Variants in SPINK8 observed in about 807,000 individuals in gnomAD.
SPINK8 encodes serine protease inhibitor Kazal-type 8.
In SPINK8, 12 loss-of-function variants were observed where a neutral mutation model predicts 14.4. The ratio of observed to expected loss-of-function variants is 0.83; its 90% confidence interval spans 0.53 to 1.35. The LOEUF (loss-of-function observed/expected upper bound fraction) is 1.35, where lower values mean the gene tolerates loss of function less well. SPINK8 is among the 40% of genes most tolerant of loss of function. SPINK8 has a pLI of 0.00. For synonymous variants in SPINK8, 32 were observed against 37.6 expected (o/e 0.85, Z 0.55); for missense variants, 103 against 117.0 (o/e 0.88, Z 0.55).
At chr3:48,318,970 G>T (rs1260289584) in intron 6 of SPINK8, among the ~76,000 whole-genome samples, 2 of 152,218 alleles carry the variant, frequency 1.3e-5, no homozygotes, top group Non-Finnish European at 2.9e-5. Context: ...AAACAATTGG[G>T]CGTTTCACTT....
At chr3:48,312,943 A>G (rs2035941754) in intron 6 of SPINK8, among the ~76,000 whole-genome samples, 1 of 151,688 alleles carries the variant, frequency 6.6e-6, no homozygotes, top group Non-Finnish European at 1.5e-5. Flanking sequence ...GGTTGCAGTG[A>G]GCTGAAATCA....
intron 1 of SPINK8, among the ~76,000 whole-genome samples, chr3:48,332,791 G>A (rs1258705760): frequency 6.6e-6 from 1 of 152,170 alleles, no homozygotes; most frequent in East Asian, 1.9e-4. Flanking sequence ...CAGATCAAAG[G>A]ATTGTCCTAA....
chr3:48,314,706 T>C (rs2035963626), intron 6 of SPINK8, among the ~76,000 whole-genome samples: 1 of 152,170 alleles, frequency 6.6e-6, no homozygotes, highest in Admixed American at 6.6e-5. Context: ...TTGAAAACAA[T>C]CAGAGGCAAC....
Position 48,320,950 on chromosome 3 carries a change from G to T in SPINK8, c.117+75C>A, listed in dbSNP as rs1041808954. 1.3e-5 allele frequency: 19 copies of T among 1,470,164 alleles called. No homozygotes were observed. In the Admixed American group the frequency reaches 1.9e-4, roughly 15 times the overall value. 91.1% of individuals were successfully genotyped at this position (1,470,164 alleles called of 1,614,324 possible). On this transcript the variant is annotated intron_variant, in intron 5 of 7. Transcript: ENST00000434006. ...CCCCTCCACTGCCCACCTCCCAGAA[G>T]AAAGAGCTGGGGCTTTTGGGCAAAC...
At chr3:48,311,712 A>T (rs1187335768) in intron 6 of SPINK8, among the ~76,000 whole-genome samples, 1 of 152,192 alleles carries the variant, frequency 6.6e-6, no homozygotes, top group Non-Finnish European at 1.5e-5. Context: ...AAAACTACAA[A>T]ATTGAAACTG....
intron 7 of SPINK8, among the ~76,000 whole-genome samples, 177 bp from the exon 8 acceptor site, chr3:48,307,180 C>T (rs377083665): frequency 6.6e-6 from 1 of 152,044 alleles, no homozygotes; most frequent in African/African-American, 2.4e-5. Flanking sequence ...GAGTGAAAGT[C>T]GGTGGAAAAG....
intron 6 of SPINK8, among the ~76,000 whole-genome samples, chr3:48,315,004 T>C (rs1243811734): frequency 1.3e-5 from 2 of 152,224 alleles, no homozygotes; most frequent in Non-Finnish European, 2.9e-5. Flanking sequence ...AGTAGAGACA[T>C]GCCTCAGTGC....
intron 4 of SPINK8, among the ~76,000 whole-genome samples, chr3:48,324,647 A>G (rs1183938989): frequency 6.6e-6 from 1 of 152,234 alleles, no homozygotes; most frequent in Non-Finnish European, 1.5e-5. Flanking sequence ...TCTATATAGT[A>G]GAAAAATTAC....
At chr3:48,313,643 C>T (rs1409984625) in intron 6 of SPINK8, among the ~76,000 whole-genome samples, 1 of 152,140 alleles carries the variant, frequency 6.6e-6, no homozygotes, top group Non-Finnish European at 1.5e-5. Context: ...AAAACAGGTA[C>T]TCAAATAAAT....
chr3:48,307,783 C>T (rs1169407388), intron 7 of SPINK8, among the ~76,000 whole-genome samples: 1 of 151,816 alleles, frequency 6.6e-6, no homozygotes, highest in African/African-American at 2.4e-5. Context: ...CTAGCTGAGT[C>T]ACAGAGGTAT....
At chr3:48,310,237 C>T (rs928468683) in intron 6 of SPINK8, among the ~76,000 whole-genome samples, 19 of 152,184 alleles carry the variant, frequency 1.2e-4, no homozygotes, top group African/African-American at 4.3e-4. Context: ...TTAAAATATG[C>T]ATTTAATGAA....
intron 6 of SPINK8, 83 bp from the exon 7 acceptor site, chr3:48,310,029 C>A: frequency 7.9e-7 from 1 of 1,263,910 alleles, no homozygotes; most frequent in Non-Finnish European, 1.0e-6. Context: ...TAATCTTTGG[C>A]TAAGTTTGGG....
At chr3:48,325,520 G>A (rs1261131709) in intron 4 of SPINK8, among the ~76,000 whole-genome samples, 8 of 150,328 alleles carry the variant, frequency 5.3e-5, no homozygotes, top group African/African-American at 2.0e-4. Flanking sequence ...CACCTCCCTA[G>A]TTCAAGTGCT....
rs745387152 is a variant in SPINK8 at position 48,328,267 on chromosome 3, T to A, written c.67+8A>T. The A allele has an allele frequency of 2.2e-5, 36 of 1,607,950 alleles. No individual in the cohort carries two copies. The highest frequency in any genetic ancestry group is 2.9e-5 in the Non-Finnish European group (34 of 1,176,962). The stretch of plus-strand genomic sequence containing the variant: ...AAAATGTGGGCAGAGCAAGGACACA[T>A]AACTCACCAATTGCAAAGGCCATCC... On this transcript the variant is annotated splice_region_variant and intron_variant, in intron 4 of 7. Coordinates refer to ENST00000434006, the MANE Select transcript of SPINK8 (RefSeq NM_001080525.3).
In SPINK8 at chr3:48,312,198, A is replaced by C. The variant is rs2035931702; in HGVS notation, c.240-2252T>G. Among the ~76,000 whole-genome samples, 6 of 152,148 alleles carry C rather than the reference A, an allele frequency of 3.9e-5. No homozygotes were observed. In the South Asian group the frequency reaches 1.2e-3, roughly 32 times the overall value. ...ACTGGTATTAGGATATAAATACAGA[A>C]CAAAAGAAAAGAATCAAGGATCCAA... On this transcript the variant is annotated intron_variant, in intron 6 of 7. Transcript: ENST00000434006.
At position 48,314,475 on chromosome 3, in the gene SPINK8, G is replaced by A. The variant is rs1293957579; in HGVS notation, c.240-4529C>T. On this transcript the variant is annotated intron_variant, in intron 6 of 7. Coordinates refer to ENST00000434006, the MANE Select transcript of SPINK8 (RefSeq NM_001080525.3). ...CTGCAGCATTCCCAGTTCCATGGTA[G>A]TAATGAAAAACAACCACCCACAATC... Among the ~76,000 whole-genome samples the A allele has an allele frequency of 2.6e-5, 4 of 152,116 alleles. No individual in the cohort carries two copies. In the East Asian group the frequency reaches 7.7e-4, roughly 29 times the overall value.
chr3:48,316,330 A>G (rs2035992575), intron 6 of SPINK8: 1 of 155,886 alleles, frequency 6.4e-6, no homozygotes, highest in Non-Finnish European at 1.5e-5. Context: ...AGAATCCAAA[A>G]AGCAGAAAGG....
At chr3:48,328,143 A>T in intron 4 of SPINK8, 132 bp downstream of exon 4, 1 of 701,706 alleles carries the variant, frequency 1.4e-6, no homozygotes, top group Non-Finnish European at 2.2e-6. Flanking sequence ...TCTGGGTTTT[A>T]ATTTCTACAT....
intron 7 of SPINK8, 87 bp from the exon 8 acceptor site, chr3:48,307,090 G>T (rs2107076083): frequency 1.6e-6 from 2 of 1,266,670 alleles, no homozygotes; most frequent in Non-Finnish European, 2.3e-6. Context: ...CCATAGTTCA[G>T]CAGGGGAAAT....
Sources: allele counts gnomAD v4.1 joint callset (sites outside exome capture counted in the v4.1 genomes callset), GRCh38; gene constraint gnomAD v4.1.1; transcripts MANE v1.5; gene names NCBI Gene and HGNC (gene_info 2026-07-23, HGNC 2026-07-21).